The following CEP192 variants were observed in gnomAD, a reference collection of about 807,000 sequenced individuals.
CEP192 encodes the protein centrosomal protein of 192 kDa.
Under a neutral mutation model 271.8 loss-of-function variants are expected in CEP192, and 151 were observed. That is an observed-to-expected ratio of 0.56 (90% CI 0.49 to 0.64). The LOEUF is 0.64. CEP192 is among the 30% of genes least tolerant of loss of function. CEP192 has a pLI of 0.00. For missense variants in CEP192, 2,910 were observed against 3,020.5 expected, an observed-to-expected ratio of 0.96 and a Z score of 0.86; for synonymous variants, 995 against 1,076.5, an observed-to-expected ratio of 0.92 and a Z score of 1.48.
At chr18:13,072,002 G>A (rs976248760) in intron 28 of CEP192, among the ~76,000 whole-genome samples, 20 of 152,106 alleles carry the variant, frequency 1.3e-4, no homozygotes, top group African/African-American at 4.6e-4. Context: ...ACAAAATAAT[G>A]TTTCTTTCAC....
chr18:13,074,676 C>G (rs1240115481), intron 30 of CEP192, among the ~76,000 whole-genome samples: 1 of 152,138 alleles, frequency 6.6e-6, no homozygotes, highest in Non-Finnish European at 1.5e-5. Flanking sequence ...CAGAGGTGGG[C>G]TGGATGGGGT....
intron 17 of CEP192, among the ~76,000 whole-genome samples, chr18:13,052,069 C>T (rs994709829): frequency 3.3e-5 from 5 of 152,156 alleles, no homozygotes; most frequent in Admixed American, 6.5e-5. Flanking sequence ...GTGACTTTGC[C>T]GCTTCCCCTC....
Position 13,055,968 on chromosome 18 carries a change from G to C in CEP192, c.3378G>C (p.Lys1126Asn). 6.2e-7 allele frequency: 1 copy of C among 1,614,212 alleles called. No individual in the cohort carries two copies. The highest frequency in any genetic ancestry group is 8.5e-7 in the Non-Finnish European group (1 of 1,180,038). ...KATETTSLSS[K>N]PEYVKPDFRW... is the part of the protein sequence containing the mutation. ...CTGAAACTACTTCTCTGAGTAGCAA[G>C]CCTGAATATGTAAAACCTGACTTTA... Residue 1126 changes from lysine (K) to asparagine (N), a missense_variant, in exon 19 of 45, where the codon AAG becomes AAC. Physicochemically the swap from Lys to Asn is moderately conservative, Grantham distance 94 (BLOSUM62 0). Coordinates refer to ENST00000506447, the MANE Select transcript of CEP192 (RefSeq NM_032142.4).
At chr18:13,104,838 C>T in intron 39 of CEP192, 146 bp from the exon 40 acceptor site, 1 of 645,788 alleles carries the variant, frequency 1.5e-6, no homozygotes, top group Non-Finnish European at 2.8e-6. Context: ...TCAGGTAGCA[C>T]TCCCATTTTG....
At chr18:13,052,583 T>C (rs912000833) in intron 17 of CEP192, among the ~76,000 whole-genome samples, 1 of 152,234 alleles carries the variant, frequency 6.6e-6, no homozygotes, top group Non-Finnish European at 1.5e-5. Context: ...TGATTTTTTT[T>C]CCTCTTTGCT....
In CEP192 at chr18:13,037,288, A is replaced by G. The variant is rs528980350; in HGVS notation, c.1586A>G (p.His529Arg). 1.1e-5 allele frequency: 15 copies of G among 1,349,376 alleles called. No individual in the cohort carries two copies. The South Asian group carries it at 1.9e-4, about 17-fold the overall frequency. The allele number at this position is 1,349,376 out of a possible 1,614,324, so 83.6% of individuals were successfully genotyped here. Reference sequence around the variant, plus strand: ...GATGAAGAAGAATTTAATAAAGAGCATCAATTTATACAGGTTTGTAATTAT... The same window carrying G: ...GATGAAGAAGAATTTAATAAAGAGCGTCAATTTATACAGGTTTGTAATTAT... ...AQDEEEFNKEHQFIQEENIDA... is the reference protein window; with the variant it reads ...AQDEEEFNKERQFIQEENIDA... Residue 529 changes from histidine to arginine, a missense_variant, in exon 12 of 45, where the codon CAT (histidine) becomes CGT (arginine). Coordinates refer to ENST00000506447, the MANE Select transcript of CEP192 (RefSeq NM_032142.4).
intron 15 of CEP192, among the ~76,000 whole-genome samples, chr18:13,045,056 ATAT>A (rs1414317992): frequency 1.3e-5 from 2 of 152,142 alleles, no homozygotes; most frequent in East Asian, 1.9e-4. Flanking sequence ...GCTGACCATA[ATAT>A]CCTCTTGTGA....
At chr18:13,030,692 C>T in intron 11 of CEP192, 84 bp downstream of exon 11, 4 of 1,050,164 alleles carry the variant, frequency 3.8e-6, no homozygotes, top group Non-Finnish European at 4.2e-6. Context: ...TGGTCAGCCA[C>T]ATCAGATCCC....
Position 13,038,399 on chromosome 18 carries a change from G to A in CEP192, c.1629G>A (p.Ser543=), listed in dbSNP as rs962396010. 20 of 1,551,510 alleles carry A rather than the reference G, an allele frequency of 1.3e-5. No individual in the cohort carries two copies. Among genetic ancestry groups the A allele is most frequent in the African/African-American group, 2.7e-5 (2 of 73,150 alleles). ...AAAACATAGATGCTCATAATACTTCGGTTGCACTGGGCGATACGTCCTGGG... is the reference window on the plus strand; with the variant it reads ...AAAACATAGATGCTCATAATACTTCAGTTGCACTGGGCGATACGTCCTGGG... ...QEENIDAHNT[S]VALGDTSWGA... The change falls in exon 13 of 45, where the codon TCG becomes TCA. Residue 543 remains serine (S), a synonymous_variant. Transcript: ENST00000506447.
chr18:13,081,859 T>C (rs1354762815), intron 30 of CEP192, among the ~76,000 whole-genome samples: 1 of 152,256 alleles, frequency 6.6e-6, no homozygotes, highest in South Asian at 2.1e-4. Context: ...CATTTTGTTA[T>C]TTACCCAGTA....
At chr18:13,039,315 T>A (rs527532693) in intron 13 of CEP192, among the ~76,000 whole-genome samples, 3 of 151,704 alleles carry the variant, frequency 2.0e-5, no homozygotes, top group South Asian at 4.2e-4. Context: ...ATTAGCCAGA[T>A]ATGGTGGTGC....
chr18:13,055,498 ACT>A (rs1694317497), intron 18 of CEP192, among the ~76,000 whole-genome samples: 2 of 151,974 alleles, frequency 1.3e-5, no homozygotes, highest in South Asian at 4.2e-4. Context: ...AAGTTACTAG[ACT>A]CTGGTCGTTT....
intron 21 of CEP192, among the ~76,000 whole-genome samples, chr18:13,066,662 C>T (rs1362562839): frequency 1.3e-5 from 2 of 152,114 alleles, no homozygotes; most frequent in African/African-American, 2.4e-5. Flanking sequence ...CTATGCCACC[C>T]CTCTCTGGAC....
chr18:13,120,800 C>T (rs187147425), intron 44 of CEP192, among the ~76,000 whole-genome samples: 32 of 152,306 alleles, frequency 2.1e-4, no homozygotes, highest in Admixed American at 1.6e-3. Flanking sequence ...GCTTTAATAG[C>T]AGCAGTTCAT....
intron 44 of CEP192, among the ~76,000 whole-genome samples, chr18:13,119,707 C>T (rs1011500048): frequency 6.6e-6 from 1 of 152,080 alleles, no homozygotes; most frequent in Admixed American, 6.6e-5. Context: ...CCACTGTACT[C>T]CAGCCTGGGC....
chr18:13,009,827 C>T (rs778593045), intron 4 of CEP192, among the ~76,000 whole-genome samples: 3 of 151,592 alleles, frequency 2.0e-5, no homozygotes, highest in Admixed American at 6.6e-5. Flanking sequence ...TGTAAGCCTT[C>T]GTCTCAAAAA....
In CEP192 at chr18:13,090,012, T is replaced by A. The variant is rs7243492; in HGVS notation, c.6103+447T>A. Among the ~76,000 whole-genome samples, 1,461 of 152,272 alleles carry A rather than the reference T, an allele frequency of 9.6e-3. 25 individuals are homozygous for A. Among genetic ancestry groups the A allele is most frequent in the African/African-American group, 0.034 (1,398 of 41,550 alleles). Reference sequence around the variant, plus strand: ...CCTATTGTAAGATTTATGGAAGATGTAGTGGTGGCAAAAAAACTTCAAAAT... The same window carrying A: ...CCTATTGTAAGATTTATGGAAGATGAAGTGGTGGCAAAAAAACTTCAAAAT... On this transcript the variant is annotated intron_variant, in intron 33 of 44. Transcript: ENST00000506447.
chr18:13,082,574 C>T (rs2038678188), intron 30 of CEP192, among the ~76,000 whole-genome samples: 1 of 151,334 alleles, frequency 6.6e-6, no homozygotes, highest in South Asian at 2.1e-4. Flanking sequence ...ACTCTTTATC[C>T]AATTTGCCAG....
At chr18:13,064,537 G>A (rs1254996551) in intron 21 of CEP192, among the ~76,000 whole-genome samples, 3 of 151,554 alleles carry the variant, frequency 2.0e-5, no homozygotes, top group Non-Finnish European at 2.9e-5. Flanking sequence ...ACGTGAACCC[G>A]GGAGGCGGAG....
Sources: gnomAD v4.1 joint callset for allele counts (sites outside exome capture counted in the v4.1 genomes callset) on GRCh38, gnomAD v4.1.1 for gene constraint, MANE v1.5 for transcripts, NCBI Gene and HGNC (gene_info 2026-07-23, HGNC 2026-07-21) for gene names.